The following ZBTB8OS variants were observed in gnomAD, a reference collection of about 807,000 sequenced individuals.
ZBTB8OS encodes tRNA-splicing ligase-activating factor archease.
A neutral mutation model predicts 29.3 loss-of-function variants in ZBTB8OS; 16 were observed. The ratio of observed to expected loss-of-function variants is 0.55; its 90% CI spans 0.37 to 0.83. The LOEUF is 0.83. Among genes scored for constraint, ZBTB8OS ranks in the 40% least tolerant of loss-of-function variants. ZBTB8OS has a pLI of 0.00. For missense variants in ZBTB8OS, 160 were observed against 196.9 expected (o/e 0.81, Z 1.12); for synonymous variants, 70 against 64.6 (o/e 1.08, Z -0.40).
intron 5 of ZBTB8OS, among the ~76,000 whole-genome samples, chr1:32,630,781 G>A (rs1645487347): frequency 6.6e-6 from 1 of 151,288 alleles, no homozygotes; most frequent in Admixed American, 6.6e-5. Context: ...GAGGGCTGAT[G>A]CGGGCAGATC....
At position 32,621,815 on chromosome 1, in the gene ZBTB8OS, G is replaced by C; in HGVS notation, c.*47C>G. 2 of 1,331,124 alleles carry C rather than the reference G, an allele frequency of 1.5e-6. No individual in the cohort carries two copies. Among genetic ancestry groups the C allele is most frequent in the Non-Finnish European group, 2.1e-6 (2 of 952,216 alleles). The allele number at this position is 1,331,124 out of a possible 1,614,324, so 82.5% of individuals were successfully genotyped here. On this transcript the variant is annotated 3_prime_UTR_variant, in exon 7 of 7. Coordinates refer to ENST00000468695, the MANE Select transcript of ZBTB8OS (RefSeq NM_178547.5). ...TCATAGTGTCTTCTCAAAAGGAAGA[G>C]GAAAACAAAAACAGTTCTTCGTAGG... is the stretch of plus-strand genomic sequence containing the variant.
Position 32,631,875 on chromosome 1 carries a change from A to G in ZBTB8OS, c.332T>C (p.Val111Ala), listed in dbSNP as rs1330932853. 8 of 1,559,314 alleles carry G rather than the reference A, an allele frequency of 5.1e-6. No individual in the cohort carries two copies. Among genetic ancestry groups the G allele is most frequent in the South Asian group, 1.2e-5 (1 of 81,612 alleles). Residue 111 changes from valine to alanine, a missense_variant, in exon 5 of 7, where the codon GTG becomes GCG. Coordinates refer to ENST00000468695, the MANE Select transcript of ZBTB8OS (RefSeq NM_178547.5). ...SADEFFIPRE[V>A]KVLSIDQRNF... ...TCTTTGATCAATGCTAAGTACTTTC[A>G]CTTCCTAGACAGGAAGAAAAATTTT...
At chr1:32,650,274 C>G in intron 1 of ZBTB8OS, 159 bp downstream of exon 1, 1 of 981,806 alleles carries the variant, frequency 1.0e-6, no homozygotes, top group Non-Finnish European at 1.5e-6. Context: ...CTTCAGCATC[C>G]CCAGGAGAAG....
rs148480684 is a variant in ZBTB8OS, at chr1:32,624,697, C to T, written c.418-2749G>A. ...TCACCTGAAGTCAGGAGTTTGAGAC[C>T]AGCCTGACCAACATGGTGAAACCCC... On this transcript the variant is annotated intron_variant, in intron 6 of 6. Transcript: ENST00000468695. Among the ~76,000 whole-genome samples, 444 of 151,876 alleles carry T rather than the reference C, an allele frequency of 2.9e-3. 3 individuals are homozygous for T. Among genetic ancestry groups the T allele is most frequent in the African/African-American group, 9.9e-3 (410 of 41,388 alleles).
At chr1:32,634,157 G>T in intron 2 of ZBTB8OS, 85 bp from the exon 3 acceptor site, 2 of 1,242,262 alleles carry the variant, frequency 1.6e-6, no homozygotes, top group Non-Finnish European at 2.1e-6. Flanking sequence ...AATAAATTCA[G>T]TATGATAAAT....
At chr1:32,633,453 G>A (rs957326061) in intron 4 of ZBTB8OS, 192 bp downstream of exon 4, 7 of 519,054 alleles carry the variant, frequency 1.3e-5, no homozygotes, top group Non-Finnish European at 2.4e-5. Flanking sequence ...ATCTAAATAC[G>A]AAATGTTCCC....
At chr1:32,628,822 C>T (rs1003684278) in intron 5 of ZBTB8OS, among the ~76,000 whole-genome samples, 1 of 150,906 alleles carries the variant, frequency 6.6e-6, no homozygotes, top group Non-Finnish European at 1.5e-5. Context: ...CGTGGTCCCA[C>T]CTACTCGGGA....
intron 1 of ZBTB8OS, among the ~76,000 whole-genome samples, chr1:32,648,028 C>T (rs1228428790): frequency 7.9e-5 from 12 of 151,240 alleles, no homozygotes; most frequent in African/African-American, 2.9e-4. Context: ...GAAAAACCAA[C>T]AACCCAAGAC....
At chr1:32,647,533 C>A (rs1400698539) in intron 1 of ZBTB8OS, among the ~76,000 whole-genome samples, 1 of 152,094 alleles carries the variant, frequency 6.6e-6, no homozygotes, top group Non-Finnish European at 1.5e-5. Context: ...AACCAGGCAG[C>A]ACAGCAGGAC....
At chr1:32,624,787 A>C (rs1409139188) in intron 6 of ZBTB8OS, among the ~76,000 whole-genome samples, 1 of 151,792 alleles carries the variant, frequency 6.6e-6, no homozygotes, top group African/African-American at 2.4e-5. Context: ...CCAGCTACTC[A>C]GGAGGCAGAG....
Position 32,634,500 on chromosome 1 carries a change from C to T in ZBTB8OS, c.122+268G>A, listed in dbSNP as rs146231862. 4,039 of 518,178 alleles carry T rather than the reference C, an allele frequency of 7.8e-3. 130 individuals carry two copies. The highest frequency in any genetic ancestry group is 0.066 in the African/African-American group (3,496 of 52,676). 32.1% of individuals were successfully genotyped at this position (518,178 alleles called of 1,614,324 possible). Reference sequence around the variant, plus strand: ...TCAGCCTCCCAAAGTGCTGGGATTACAGGCGTTGAGCCACCACACCCGGCC... The same window carrying T: ...TCAGCCTCCCAAAGTGCTGGGATTATAGGCGTTGAGCCACCACACCCGGCC... On this transcript the variant is annotated intron_variant, in intron 2 of 6. Transcript: ENST00000468695.
intron 1 of ZBTB8OS, among the ~76,000 whole-genome samples, chr1:32,646,129 G>C (rs1266617299): frequency 1.3e-5 from 2 of 152,030 alleles, no homozygotes; most frequent in Non-Finnish European, 2.9e-5. Context: ...AGACCAGCCT[G>C]GCCAACATGG....
At chr1:32,645,790 C>T (rs1455706475) in intron 1 of ZBTB8OS, among the ~76,000 whole-genome samples, 1 of 152,080 alleles carries the variant, frequency 6.6e-6, no homozygotes, top group Non-Finnish European at 1.5e-5. Flanking sequence ...GCCAGTTTTA[C>T]CAACCACTGA....
At chr1:32,641,940 C>T (rs1646441642) in intron 1 of ZBTB8OS, among the ~76,000 whole-genome samples, 1 of 151,706 alleles carries the variant, frequency 6.6e-6, no homozygotes, top group Non-Finnish European at 1.5e-5. Flanking sequence ...CAAAACAAAA[C>T]AAAACAAAAC....
chr1:32,625,534 A>AAAAACAAAACAAAAC (rs146908676), intron 6 of ZBTB8OS, among the ~76,000 whole-genome samples: 119 of 151,212 alleles, frequency 7.9e-4, no homozygotes, highest in Middle Eastern at 3.4e-3. Flanking sequence ...ACTCCGTCTC[A>AAAAACAAAACAAAAC]AAAACAAAAC....
intron 1 of ZBTB8OS, among the ~76,000 whole-genome samples, chr1:32,647,036 T>C (rs1356152790): frequency 2.5e-5 from 1 of 39,950 alleles, no homozygotes; most frequent in African/African-American, 8.5e-5. Context: ...AGCAAGATAC[T>C]GTCTCAAAAA....
intron 1 of ZBTB8OS, among the ~76,000 whole-genome samples, chr1:32,643,395 GGT>G (rs1202289077): frequency 2.3e-3 from 1 of 426 alleles, no homozygotes; most frequent in Non-Finnish European, 0.045. Context: ...TTTAGTTTTT[GGT>G]TTTTTTTTCT....
chr1:32,630,553 AAATC>A (rs948641642), intron 5 of ZBTB8OS, among the ~76,000 whole-genome samples: 31 of 151,944 alleles, frequency 2.0e-4, no homozygotes, highest in South Asian at 1.5e-3. Context: ...ACCCTGTCTC[AAATC>A]AATCAATCAA....
At chr1:32,645,990 C>T (rs1320126591) in intron 1 of ZBTB8OS, among the ~76,000 whole-genome samples, 4 of 152,122 alleles carry the variant, frequency 2.6e-5, no homozygotes, top group Non-Finnish European at 5.9e-5. Context: ...ACTTATGACA[C>T]GGGCACTCTT....
Sources: allele counts gnomAD v4.1 joint callset (sites outside exome capture counted in the v4.1 genomes callset), GRCh38; gene constraint gnomAD v4.1.1; transcripts MANE v1.5; gene names NCBI Gene and HGNC (gene_info 2026-07-23, HGNC 2026-07-21).